The following QSOX2 variants were observed in gnomAD, a reference collection of about 807,000 sequenced individuals.
QSOX2 encodes the protein sulfhydryl oxidase 2.
A neutral mutation model predicts 61.7 loss-of-function variants in QSOX2; 46 were observed. The ratio of observed to expected loss-of-function variants is 0.75; its 90% CI spans 0.59 to 0.95. The LOEUF (loss-of-function observed/expected upper bound fraction) is 0.95, where lower values mean the gene tolerates loss of function less well. Among genes scored for constraint, QSOX2 ranks in the 40% least tolerant of loss-of-function variants. The pLI is 0.00. For missense variants in QSOX2, 879 were observed against 918.9 expected (o/e 0.96, Z 0.56); for synonymous variants, 383 against 388.4 (o/e 0.99, Z 0.16).
At chr9:136,210,719 T>A (rs894420469) in intron 11 of QSOX2, 1 of 985,206 alleles carries the variant, frequency 1.0e-6, no homozygotes, top group Non-Finnish European at 1.2e-6. Context: ...TTTCTATTCA[T>A]CTCTATTAAG....
chr9:136,211,384 T>A lies in QSOX2; in HGVS notation c.1429A>T (p.Lys477Ter). The change falls in exon 11 of 12, where the codon AAG becomes TAG. Residue 477 changes from lysine to a stop codon, truncating the protein, a stop_gained. Coordinates refer to ENST00000358701, the MANE Select transcript of QSOX2 (RefSeq NM_181701.4). LOFTEE classifies it high-confidence loss of function. ...RRYVHTFFGC[K>*]ECGEHFEEMA... ...TCCTCAAAGTGCTCACCACATTCCT[T>A]ACACCCAAAGAAGGTGTGAACGTAC... The A allele has an allele frequency of 6.2e-7, 1 of 1,614,190 alleles. No homozygotes were observed. The highest frequency in any genetic ancestry group is 8.5e-7 in the Non-Finnish European group (1 of 1,180,034).
chr9:136,218,888 C>G (rs928130944), intron 7 of QSOX2, 80 bp from the exon 8 acceptor site: 4 of 1,577,554 alleles, frequency 2.5e-6, no homozygotes, highest in Non-Finnish European at 3.4e-6. Context: ...CTCCTCCCCA[C>G]GGACTCCCAG....
chr9:136,238,489 G>C (rs12346000), intron 1 of QSOX2, among the ~76,000 whole-genome samples: 3,240 of 152,290 alleles, frequency 0.021, 103 homozygotes, highest in African/African-American at 0.068. Flanking sequence ...AGGGAACCCT[G>C]AGCTGGCCTT....
chr9:136,239,850 C>G (rs1830420677), intron 1 of QSOX2, among the ~76,000 whole-genome samples: 1 of 152,222 alleles, frequency 6.6e-6, no homozygotes, highest in African/African-American at 2.4e-5. Flanking sequence ...GAACAGGCGC[C>G]AGGAGTACCG....
rs75466845 is a variant in QSOX2 at position 136,222,104 on chromosome 9, T to TA, written c.676-164dup. On this transcript the variant is annotated intron_variant, in intron 5 of 11. Transcript: ENST00000358701. This position sits in a 1 kb window ranked among gnomAD's most constrained non-coding sequence, Gnocchi z 6.9. ...TCAAATCTTCACTCTCATTGCACTTTAAGGCAACTGACGGCACACACGCCA... is the reference window on the plus strand; with the variant it reads ...TCAAATCTTCACTCTCATTGCACTTTAAAGGCAACTGACGGCACACACGCCA... Among the ~76,000 whole-genome samples the TA allele has an allele frequency of 0.3, 45,313 of 152,010 alleles. 6,713 individuals carry two copies. Among genetic ancestry groups the TA allele is most frequent in the Admixed American group, 0.35 (5,409 of 15,272 alleles).
Position 136,233,503 on chromosome 9 carries a change from T to C in QSOX2, c.329-6629A>G, listed in dbSNP as rs550235073. Reference sequence around the variant, plus strand: ...CTCACAGAGGAAACATGATGACAGCTGGAAGGACTGCACCACTGAAGACGC... The same window carrying C: ...CTCACAGAGGAAACATGATGACAGCCGGAAGGACTGCACCACTGAAGACGC... On this transcript the variant is annotated intron_variant, in intron 1 of 11. Transcript: ENST00000358701. 1.5e-3 allele frequency among the ~76,000 whole-genome samples: 233 copies of C among 152,274 alleles called. 1 individual carries two copies. The highest frequency in any genetic ancestry group is 5.4e-3 in the African/African-American group (224 of 41,534).
Position 136,245,781 on chromosome 9 carries a change from A to G in QSOX2, c.23T>C (p.Val8Ala), listed in dbSNP as rs1554758482. The G allele has an allele frequency of 1.4e-5, 16 of 1,145,950 alleles. No individual in the cohort carries two copies. Among genetic ancestry groups the G allele is most frequent in the Admixed American group, 9.5e-5 (2 of 20,966 alleles). The allele number at this position is 1,145,950 out of a possible 1,614,324, so 71.0% of individuals were successfully genotyped here. The change falls in exon 1 of 12, where the codon GTG becomes GCG. Residue 8 changes from valine (V) to alanine (A), a missense_variant. By Grantham distance (64) the Val-to-Ala change is moderately conservative (BLOSUM62 0). Coordinates refer to ENST00000358701, the MANE Select transcript of QSOX2 (RefSeq NM_181701.4). The stretch of plus-strand genomic sequence containing the variant: ...CGCTCCGATTCCCGGGCTGCGCGCC[A>G]CCGCCGCCCCGGCCGCCGCCATGTT... MAAAGAA[V>A]ARSPGIGAGP... is the part of the protein sequence containing the mutation.
intron 1 of QSOX2, among the ~76,000 whole-genome samples, chr9:136,233,306 T>C (rs1830349390): frequency 6.6e-6 from 1 of 152,190 alleles, no homozygotes; most frequent in South Asian, 2.1e-4. Context: ...TACAGTGATT[T>C]CATCTTGCTG....
At chr9:136,228,456 G>T (rs529192223) in intron 1 of QSOX2, among the ~76,000 whole-genome samples, 1 of 152,360 alleles carries the variant, frequency 6.6e-6, no homozygotes, top group South Asian at 2.1e-4. Context: ...CCTCTGGGAT[G>T]TAAAAATTGC....
chr9:136,210,472 G>A (rs947114615), intron 11 of QSOX2: 10 of 985,220 alleles, frequency 1.0e-5, no homozygotes, highest in African/African-American at 3.5e-5. Flanking sequence ...CCGAGGGCTC[G>A]GGGAAAGCAC....
In QSOX2 at chr9:136,215,275, T is replaced by C. The variant is rs1831895200; in HGVS notation, c.1239A>G (p.Ile413Met). 6.2e-7 allele frequency: 1 copy of C among 1,613,780 alleles called. No homozygotes were observed. Among genetic ancestry groups the C allele is most frequent in the Admixed American group, 1.7e-5 (1 of 59,986 alleles). Residue 413 changes from isoleucine to methionine, a missense_variant, in exon 10 of 12, where the codon ATA (isoleucine) becomes ATG (methionine). Transcript: ENST00000358701. The part of the protein sequence containing the change: ...RISGIFLTNH[I>M]KWVGCQGSRS... ...GGCTTCCTTGACATCCAACCCACTT[T>C]ATGTGATTAGTAAGGAATATTCCAG...
In QSOX2 at chr9:136,218,646, C is replaced by T. The variant is rs767002715; in HGVS notation, c.1086+33G>A. On this transcript the variant is annotated intron_variant, in intron 8 of 11. Transcript: ENST00000358701. Reference sequence around the variant, plus strand: ...GCCCACTCTGTGCAGAGCCAAATTCCCACATGCAGCCCAGACCAGCACCGT... The same window carrying T: ...GCCCACTCTGTGCAGAGCCAAATTCTCACATGCAGCCCAGACCAGCACCGT... The T allele has an allele frequency of 1.1e-5, 18 of 1,602,882 alleles. No homozygotes were observed. The South Asian group carries it at 2.0e-4, about 18-fold the overall frequency.
chr9:136,227,844 T>G (rs751018459), intron 1 of QSOX2, among the ~76,000 whole-genome samples: 2 of 151,762 alleles, frequency 1.3e-5, no homozygotes, highest in African/African-American at 2.4e-5. Context: ...TGGGCGTTGG[T>G]GGCGCACACC....
At chr9:136,232,088 C>T (rs1391597693) in intron 1 of QSOX2, among the ~76,000 whole-genome samples, 1 of 152,200 alleles carries the variant, frequency 6.6e-6, no homozygotes, top group Non-Finnish European at 1.5e-5. Flanking sequence ...GAAACGGTGG[C>T]TTGAAGGGGA....
intron 1 of QSOX2, among the ~76,000 whole-genome samples, chr9:136,237,737 G>A (rs1021733454): frequency 7.3e-5 from 11 of 150,890 alleles, no homozygotes; most frequent in South Asian, 2.1e-4. Context: ...CCTGGAGCCC[G>A]TCCTGTGCCA....
At chr9:136,213,269 A>T (rs1325300305) in intron 10 of QSOX2, among the ~76,000 whole-genome samples, 1 of 125,358 alleles carries the variant, frequency 8.0e-6, no homozygotes. Flanking sequence ...TTTTTTTGAG[A>T]CAGTCTTGCT....
chr9:136,216,656 G>T lies in QSOX2; in HGVS notation c.1153C>A (p.Pro385Thr), dbSNP rs1019544482. ...GCGTTGTAGGGGATCCTGTCCAGGG[G>T]AAGGCTGGCCAGCCACTCCTGCAGC... ...EMLQEWLASL[P>T]LDRIPYNAVL... The change falls in exon 9 of 12, where the codon CCC becomes ACC. Residue 385 changes from proline (P) to threonine (T), a missense_variant. Transcript: ENST00000358701. 1.2e-5 allele frequency: 20 copies of T among 1,613,724 alleles called. No homozygotes were observed. Among genetic ancestry groups the T allele is most frequent in the Admixed American group, 1.7e-5 (1 of 60,012 alleles).
Position 136,221,707 on chromosome 9 carries a change from T to A in QSOX2, c.821+89A>T, listed in dbSNP as rs545504417. ...GGCGGAGGGGCCAGGGCTCCCCCGATCTCACACCAGACTTGCACTGTCTAC... is the reference window on the plus strand; with the variant it reads ...GGCGGAGGGGCCAGGGCTCCCCCGAACTCACACCAGACTTGCACTGTCTAC... On this transcript the variant is annotated intron_variant, in intron 6 of 11. Transcript: ENST00000358701. The surrounding 1 kb of genome is among the most constrained non-coding windows in gnomAD (Gnocchi z 4.5). 7.1e-7 allele frequency: 1 copy of A among 1,401,126 alleles called. No individual in the cohort carries two copies. The highest frequency in any genetic ancestry group is 9.5e-7 in the Non-Finnish European group (1 of 1,051,734). 86.8% of individuals were successfully genotyped at this position (1,401,126 alleles called of 1,614,324 possible). A position where few individuals can be genotyped will look rare whatever the true frequency, so the allele number is the denominator to read the frequency against.
chr9:136,210,494 TG>T, intron 11 of QSOX2: 2 of 985,350 alleles, frequency 2.0e-6, no homozygotes, highest in Non-Finnish European at 2.4e-6. Flanking sequence ...GGGAGCTCTG[TG>T]GGCGGCGGCG....
Sources: allele counts gnomAD v4.1 joint callset (sites outside exome capture counted in the v4.1 genomes callset), GRCh38; gene constraint gnomAD v4.1.1; non-coding constraint Gnocchi (gnomAD v3.1); transcripts MANE v1.5; gene names NCBI Gene and HGNC (gene_info 2026-07-23, HGNC 2026-07-21).